CCSER1: variants seen among roughly 807,000 people sequenced by gnomAD.
CCSER1 encodes coiled-coil serine rich protein 1, also known as serine-rich coiled-coil domain-containing protein 1.
In CCSER1, 41 loss-of-function variants were observed where a neutral mutation model predicts 82.0. The observed-to-expected ratio is 0.50, with a 90% CI of 0.39 to 0.65. The LOEUF (loss-of-function observed/expected upper bound fraction) is 0.65, where lower values mean the gene tolerates loss of function less well. Among genes scored for constraint, CCSER1 ranks in the 30% least tolerant of loss-of-function variants. The pLI is 0.00. For missense variants in CCSER1, 1,119 were observed against 1,064.2 expected, an observed-to-expected ratio of 1.05 and a Z score of -0.72; for synonymous variants, 414 against 383.9, an observed-to-expected ratio of 1.08 and a Z score of -0.92.
At chr4:90,957,251 C>CCT (rs918787730) in intron 9 of CCSER1, among the ~76,000 whole-genome samples, 1 of 146,946 alleles carries the variant, frequency 6.8e-6, no homozygotes, top group Non-Finnish European at 1.5e-5. Flanking sequence ...ACAGGCCCCC[C>CCT]CCACCACGTC....
chr4:91,095,127 C>G (rs1446905265), intron 10 of CCSER1, among the ~76,000 whole-genome samples: 2 of 152,132 alleles, frequency 1.3e-5, no homozygotes, highest in Non-Finnish European at 2.9e-5. Flanking sequence ...AATGTCCTTG[C>G]CCCCTATTGT....
chr4:90,604,760 T>G (rs28374090), intron 5 of CCSER1, among the ~76,000 whole-genome samples: 1 of 152,128 alleles, frequency 6.6e-6, no homozygotes, highest in Admixed American at 6.5e-5. Flanking sequence ...GCTCATCTAG[T>G]GGGGACTTGG....
At chr4:90,313,094 A>G (rs1294271732) in intron 3 of CCSER1, 47 bp downstream of exon 3, 1 of 1,408,292 alleles carries the variant, frequency 7.1e-7, no homozygotes, top group South Asian at 1.2e-5. Flanking sequence ...TGCTGTCTAT[A>G]TCCGACATGT....
At chr4:91,267,132 G>A (rs981885897) in intron 10 of CCSER1, among the ~76,000 whole-genome samples, 2 of 152,152 alleles carry the variant, frequency 1.3e-5, no homozygotes, top group Non-Finnish European at 1.5e-5. Flanking sequence ...GGTAGGTAAA[G>A]TTAAAAAGTA....
intron 5 of CCSER1, among the ~76,000 whole-genome samples, chr4:90,618,792 A>G (rs1721768355): frequency 6.6e-6 from 1 of 151,930 alleles, no homozygotes; most frequent in African/African-American, 2.4e-5. Context: ...TATTGTTGAT[A>G]AGAAGTTCAT....
intron 7 of CCSER1, among the ~76,000 whole-genome samples, chr4:90,794,267 G>A (rs1755663628): frequency 6.6e-6 from 1 of 152,198 alleles, no homozygotes; most frequent in Non-Finnish European, 1.5e-5. Context: ...TATTGCCTAA[G>A]TTGTCTTCCA....
At chr4:91,025,292 T>C (rs925666322) in intron 9 of CCSER1, among the ~76,000 whole-genome samples, 1 of 152,178 alleles carries the variant, frequency 6.6e-6, no homozygotes, top group African/African-American at 2.4e-5. Context: ...TCTAATCAAT[T>C]CACATACCTC....
chr4:90,484,415 G>A (rs1003455688), intron 5 of CCSER1, among the ~76,000 whole-genome samples: 6 of 152,154 alleles, frequency 3.9e-5, no homozygotes, highest in Non-Finnish European at 5.9e-5. Context: ...TTGCTGGTGA[G>A]GAGCTGTGTT....
chr4:91,003,938 A>G (rs1344399617), intron 9 of CCSER1, among the ~76,000 whole-genome samples: 2 of 152,030 alleles, frequency 1.3e-5, no homozygotes, highest in Middle Eastern at 3.2e-3. Context: ...TGGTTCTCTA[A>G]TTTGTTTCAG....
chr4:90,883,940 C>A (rs1353530635), intron 8 of CCSER1, among the ~76,000 whole-genome samples: 1 of 152,054 alleles, frequency 6.6e-6, no homozygotes, highest in Non-Finnish European at 1.5e-5. Flanking sequence ...AGATTGGTGA[C>A]TAATTAGAGA....
At position 90,970,781 on chromosome 4, in the gene CCSER1, G is replaced by GA. The variant is rs528310496; in HGVS notation, c.2172+47339dup. 3.3e-5 allele frequency among the ~76,000 whole-genome samples: 5 copies of GA among 151,708 alleles called. No homozygotes were observed. In the South Asian group the frequency reaches 8.3e-4, roughly 25 times the overall value. On this transcript the variant is annotated intron_variant, in intron 9 of 10. Coordinates refer to ENST00000509176, the MANE Select transcript of CCSER1 (RefSeq NM_001145065.2). ...TTAAACTAGAAATCAATAAGAGGAA[G>GA]AAAAATCACAAAATTTAAAATGTGT... is the stretch of plus-strand genomic sequence containing the variant.
chr4:90,639,607 G>T (rs1726110289), intron 6 of CCSER1, among the ~76,000 whole-genome samples: 1 of 152,024 alleles, frequency 6.6e-6, no homozygotes, highest in Non-Finnish European at 1.5e-5. Flanking sequence ...GTACCTGCTT[G>T]TGAACTGGAA....
At chr4:90,853,035 G>A (rs1396892298) in intron 8 of CCSER1, among the ~76,000 whole-genome samples, 1 of 151,908 alleles carries the variant, frequency 6.6e-6, no homozygotes, top group Non-Finnish European at 1.5e-5. Context: ...GAGAGATAAA[G>A]TACGGAATAA....
chr4:91,101,024 G>A (rs1242286566), intron 10 of CCSER1, among the ~76,000 whole-genome samples: 1 of 151,988 alleles, frequency 6.6e-6, no homozygotes, highest in Admixed American at 6.6e-5. Flanking sequence ...TACTTTGCAA[G>A]ACAAACAGGA....
intron 10 of CCSER1, among the ~76,000 whole-genome samples, chr4:91,171,333 T>C (rs150515247): frequency 6.6e-6 from 1 of 152,332 alleles, no homozygotes. Context: ...AATTGTTTGT[T>C]ATAAATAATT....
Position 91,338,606 on chromosome 4 carries a change from T to C in CCSER1, c.2217+252612T>C, listed in dbSNP as rs566954896. Among the ~76,000 whole-genome samples, 4 of 152,250 alleles carry C rather than the reference T, an allele frequency of 2.6e-5. No individual in the cohort carries two copies. The East Asian group carries it at 7.7e-4, about 29-fold the overall frequency. ...GATTTTTAAATCTCTTAAAATAAGA[T>C]AAACAATATAGTTAACATACTAAAG... is the stretch of plus-strand genomic sequence containing the variant. On this transcript the variant is annotated intron_variant, in intron 10 of 10. Coordinates refer to ENST00000509176, the MANE Select transcript of CCSER1 (RefSeq NM_001145065.2).
intron 5 of CCSER1, among the ~76,000 whole-genome samples, chr4:90,483,156 T>C (rs1436116060): frequency 2.0e-5 from 3 of 152,182 alleles, no homozygotes; most frequent in Admixed American, 6.5e-5. Flanking sequence ...TGATCTTTGT[T>C]GGTTTAAAGT....
At chr4:91,099,530 G>A (rs1724844485) in intron 10 of CCSER1, among the ~76,000 whole-genome samples, 2 of 152,158 alleles carry the variant, frequency 1.3e-5, no homozygotes. Context: ...GCCCTCAGGA[G>A]GCCCTGAGAA....
At chr4:90,732,937 G>A (rs1376341630) in intron 7 of CCSER1, among the ~76,000 whole-genome samples, 2 of 152,112 alleles carry the variant, frequency 1.3e-5, no homozygotes, top group African/African-American at 4.8e-5. Context: ...TCTGTTGATA[G>A]TCACTTGGAT....
Sources: gnomAD v4.1 joint callset for allele counts (sites outside exome capture counted in the v4.1 genomes callset) on GRCh38, gnomAD v4.1.1 for gene constraint, MANE v1.5 for transcripts, NCBI Gene and HGNC (gene_info 2026-07-23, HGNC 2026-07-21) for gene names.